USP48: variants seen among roughly 807,000 people sequenced by gnomAD.
USP48 encodes the protein ubiquitin specific peptidase 48.
In USP48, 43 loss-of-function variants were observed where a neutral mutation model predicts 150.7. The ratio of observed to expected loss-of-function variants is 0.29; its 90% CI spans 0.22 to 0.37. The LOEUF is 0.37. Among genes scored for constraint, USP48 ranks in the 10% least tolerant of loss-of-function variants. The pLI, the probability that USP48 is intolerant of heterozygous loss-of-function variation, is 1.00. For missense variants in USP48, 813 were observed against 1,249.6 expected, an observed-to-expected ratio of 0.65 and a Z score of 5.27; for synonymous variants, 396 against 425.9, an observed-to-expected ratio of 0.93 and a Z score of 0.86.
At chr1:21,681,615 C>T (rs1410328380) in intron 25 of USP48, among the ~76,000 whole-genome samples, 4 of 152,266 alleles carry the variant, frequency 2.6e-5, no homozygotes, top group East Asian at 1.9e-4. Context: ...AGGATACAAA[C>T]AGCTGTTTTA....
chr1:21,741,719 G>A (rs903248298), intron 8 of USP48, among the ~76,000 whole-genome samples: 9 of 152,214 alleles, frequency 5.9e-5, no homozygotes, highest in African/African-American at 2.2e-4. Flanking sequence ...GTTCACGCCT[G>A]TAATCCCAGG....
chr1:21,775,565 T>G (rs2097895949), intron 1 of USP48, among the ~76,000 whole-genome samples: 1 of 152,108 alleles, frequency 6.6e-6, no homozygotes, highest in Non-Finnish European at 1.5e-5. Context: ...CTCATTAGGG[T>G]TTTGGGACTA....
chr1:21,705,479 G>T (rs984289183), intron 19 of USP48, among the ~76,000 whole-genome samples: 5 of 152,130 alleles, frequency 3.3e-5, no homozygotes, highest in Non-Finnish European at 7.3e-5. Context: ...GAAGAGAAAG[G>T]GTGGCTGTGT....
chr1:21,738,764 A>G (rs1041327923), intron 8 of USP48, among the ~76,000 whole-genome samples: 4 of 152,178 alleles, frequency 2.6e-5, no homozygotes, highest in African/African-American at 4.8e-5. Context: ...ATCACAGCAG[A>G]GTATAGCCAA....
intron 23 of USP48, among the ~76,000 whole-genome samples, chr1:21,693,144 G>GCC (rs1452581562): frequency 6.6e-6 from 1 of 152,074 alleles, no homozygotes; most frequent in Admixed American, 6.5e-5. Flanking sequence ...TTCTCAGGCA[G>GCC]GCAATACCAC....
At chr1:21,725,662 A>C (rs1398720279) in intron 11 of USP48, among the ~76,000 whole-genome samples, 1 of 152,046 alleles carries the variant, frequency 6.6e-6, no homozygotes, top group Non-Finnish European at 1.5e-5. Flanking sequence ...CTGAGGCAGG[A>C]GAATCACTTG....
chr1:21,683,053 G>C (rs900537178), intron 25 of USP48, among the ~76,000 whole-genome samples: 1 of 152,004 alleles, frequency 6.6e-6, no homozygotes, highest in African/African-American at 2.4e-5. Flanking sequence ...CTGACGACAG[G>C]AATTTGAGAC....
At chr1:21,759,048 T>C (rs2097843697) in intron 1 of USP48, among the ~76,000 whole-genome samples, 1 of 151,444 alleles carries the variant, frequency 6.6e-6, no homozygotes, top group African/African-American at 2.4e-5. Flanking sequence ...TGGTACACGT[T>C]TGTAACTCCA....
intron 15 of USP48, among the ~76,000 whole-genome samples, chr1:21,709,555 C>A (rs562920665): frequency 6.6e-4 from 99 of 149,628 alleles, no homozygotes; most frequent in African/African-American, 2.2e-3. Context: ...ACGGCAACTA[C>A]AATATTTAAA....
At chr1:21,767,007 T>C (rs1340340249) in intron 1 of USP48, among the ~76,000 whole-genome samples, 1 of 152,072 alleles carries the variant, frequency 6.6e-6, no homozygotes, top group East Asian at 1.9e-4. Flanking sequence ...GAGGTTGCAG[T>C]GAGCCAAGAT....
Position 21,747,112 on chromosome 1 carries a change from C to T in USP48, c.946G>A (p.Gly316Ser), listed in dbSNP as rs774079613. 1 of 1,611,628 alleles carries T rather than the reference C, an allele frequency of 6.2e-7. No individual in the cohort carries two copies. The highest frequency in any genetic ancestry group is 8.5e-7 in the Non-Finnish European group (1 of 1,179,598). The change falls in exon 8 of 27, where the codon GGC (glycine) becomes AGC (serine). Residue 316 changes from glycine to serine, a missense_variant. Gly to Ser is a moderately conservative substitution (Grantham distance 56). Transcript: ENST00000308271. ...GHKKKLNTYI[G>S]FSEILDMEPY... ...TCCATATCCAAAATTTCTGAGAAGC[C>T]AATGTAGGTATTCAGCTTTTTCTTA...
At chr1:21,759,583 T>C (rs910109296) in intron 1 of USP48, among the ~76,000 whole-genome samples, 3 of 152,108 alleles carry the variant, frequency 2.0e-5, no homozygotes, top group African/African-American at 7.2e-5. Context: ...TGCCCTAAAA[T>C]GATGTACTGA....
intron 1 of USP48, among the ~76,000 whole-genome samples, chr1:21,781,584 C>T (rs776242674): frequency 2.6e-5 from 4 of 152,002 alleles, no homozygotes; most frequent in Non-Finnish European, 1.5e-5. Context: ...AAATACAAAA[C>T]TGAGTCGGGC....
intron 8 of USP48, among the ~76,000 whole-genome samples, chr1:21,742,024 G>A (rs1008412472): frequency 1.3e-5 from 2 of 152,038 alleles, no homozygotes; most frequent in African/African-American, 4.8e-5. Context: ...ATCATTGAGG[G>A]TAAAGATGTT....
chr1:21,756,808 C>A, intron 2 of USP48, 106 bp from the exon 3 acceptor site: 1 of 1,503,430 alleles, frequency 6.7e-7, no homozygotes. Flanking sequence ...AAGACCGTCA[C>A]AACCAACATG....
At chr1:21,732,876 T>C (rs1378956800) in intron 9 of USP48, 2 of 154,550 alleles carry the variant, frequency 1.3e-5, no homozygotes, top group Non-Finnish European at 2.9e-5. Context: ...GTATTCATTA[T>C]GTCATAAATT....
chr1:21,733,489 T>C (rs1302802521), intron 9 of USP48, among the ~76,000 whole-genome samples: 1 of 152,218 alleles, frequency 6.6e-6, no homozygotes, highest in African/African-American at 2.4e-5. Flanking sequence ...AAATGATTCA[T>C]AAAACTTCAG....
chr1:21,728,297 A>G, intron 11 of USP48: 1 of 1,147,374 alleles, frequency 8.7e-7, no homozygotes, highest in Non-Finnish European at 1.1e-6. Context: ...CACAAAATAT[A>G]AATATCTACA....
intron 1 of USP48, among the ~76,000 whole-genome samples, chr1:21,779,143 C>T (rs914394285): frequency 2.0e-5 from 3 of 151,924 alleles, no homozygotes; most frequent in African/African-American, 2.4e-5. Context: ...GAGGCTGAGG[C>T]GGGAGGATTG....
Sources: gnomAD v4.1 joint callset for allele counts (sites outside exome capture counted in the v4.1 genomes callset) on GRCh38, gnomAD v4.1.1 for gene constraint, MANE v1.5 for transcripts, NCBI Gene and HGNC (gene_info 2026-07-23, HGNC 2026-07-21) for gene names.